DOK6: variants seen among roughly 807,000 people sequenced by gnomAD.
DOK6 encodes the protein downstream of tyrosine kinase 6.
DOK6 carries 22 observed loss-of-function variants against 44.0 expected under a neutral mutation model. That is an observed-to-expected ratio of 0.50 (90% CI 0.36 to 0.71). DOK6 has a LOEUF of 0.71. Ranked by LOEUF, DOK6 falls within the 30% of genes least tolerant of loss-of-function variation. The probability of loss-of-function intolerance (pLI) is 0.00; values close to 1 mark genes in which losing one functional copy is unlikely to be tolerated. For synonymous variants in DOK6, 166 were observed against 145.5 expected, an observed-to-expected ratio of 1.14 and a Z score of -1.01; for missense variants, 340 against 416.4, an observed-to-expected ratio of 0.82 and a Z score of 1.60.
Position 69,777,287 on chromosome 18 carries a change from T to A in DOK6, c.856+19414T>A, listed in dbSNP as rs145058275. On this transcript the variant is annotated intron_variant, in intron 7 of 7. Transcript: ENST00000382713. ...TATTAAGAAAAATGTCTTACTGTAT[T>A]AATGGAGATTTCTTTAAATAAATTA... Among the ~76,000 whole-genome samples the A allele has an allele frequency of 1.6e-4, 25 of 152,228 alleles. No individual in the cohort carries two copies. In the East Asian group the frequency reaches 4.2e-3, roughly 26 times the overall value.
intron 1 of DOK6, among the ~76,000 whole-genome samples, chr18:69,523,762 T>G (rs1203006684): frequency 6.6e-6 from 1 of 151,942 alleles, no homozygotes; most frequent in Non-Finnish European, 1.5e-5. Flanking sequence ...GTAGCAGTGA[T>G]CCAAGAAAAT....
chr18:69,786,621 C>T (rs918111203), intron 7 of DOK6, among the ~76,000 whole-genome samples: 3 of 152,152 alleles, frequency 2.0e-5, no homozygotes, highest in South Asian at 2.1e-4. Flanking sequence ...CATTTTCTGG[C>T]TTTGACATAC....
At chr18:69,495,055 G>A (rs1980843637) in intron 1 of DOK6, among the ~76,000 whole-genome samples, 1 of 152,244 alleles carries the variant, frequency 6.6e-6, no homozygotes, top group African/African-American at 2.4e-5. Context: ...CATGCTGGCT[G>A]ACACAGCAGG....
chr18:69,498,327 T>C (rs72961767), intron 1 of DOK6, among the ~76,000 whole-genome samples: 1,740 of 151,994 alleles, frequency 0.011, 14 homozygotes, highest in Non-Finnish European at 0.018. Context: ...AGAACAATTC[T>C]TCTTTGAAAC....
Position 69,842,010 on chromosome 18 carries a change from A to G in DOK6, c.*627A>G, listed in dbSNP as rs1982238915. ...CAAATGGATATTGCTATATCCATCT[A>G]TATATAACAAGTATATATCAAACAT... On this transcript the variant is annotated 3_prime_UTR_variant, in exon 8 of 8. Coordinates refer to ENST00000382713, the MANE Select transcript of DOK6 (RefSeq NM_152721.6). 1 of 152,116 alleles carries G rather than the reference A, an allele frequency of 6.6e-6. No individual in the cohort carries two copies. The highest frequency in any genetic ancestry group is 6.5e-5 in the Admixed American group (1 of 15,268). 9.4% of individuals were successfully genotyped at this position (152,116 alleles called of 1,614,324 possible).
At chr18:69,612,451 G>A (rs1984175086) in intron 3 of DOK6, among the ~76,000 whole-genome samples, 1 of 147,140 alleles carries the variant, frequency 6.8e-6, no homozygotes, top group African/African-American at 2.5e-5. Flanking sequence ...GGGCGCATGT[G>A]TGCGAGCGTG....
chr18:69,416,949 G>T (rs1978357293), intron 1 of DOK6, among the ~76,000 whole-genome samples: 2 of 151,892 alleles, frequency 1.3e-5, no homozygotes, highest in Admixed American at 1.3e-4. Flanking sequence ...TATGTTTATG[G>T]ATACATAATA....
At chr18:69,547,340 C>G (rs1982435496) in intron 1 of DOK6, among the ~76,000 whole-genome samples, 1 of 151,472 alleles carries the variant, frequency 6.6e-6, no homozygotes, top group Non-Finnish European at 1.5e-5. Flanking sequence ...ACCTCGTGAT[C>G]TGTCTGTCTC....
At chr18:69,739,135 T>C in intron 6 of DOK6, 32 bp downstream of exon 6, 1 of 1,611,136 alleles carries the variant, frequency 6.2e-7, no homozygotes, top group Non-Finnish European at 8.5e-7. Flanking sequence ...CCTATCAGCT[T>C]GGAAATGAAT....
At chr18:69,496,344 C>T (rs1357774219) in intron 1 of DOK6, among the ~76,000 whole-genome samples, 5 of 152,232 alleles carry the variant, frequency 3.3e-5, no homozygotes, top group Non-Finnish European at 5.9e-5. Context: ...GAGTTCCCAC[C>T]CCACCAACTC....
At chr18:69,542,778 G>A (rs1982303342) in intron 1 of DOK6, among the ~76,000 whole-genome samples, 1 of 151,296 alleles carries the variant, frequency 6.6e-6, no homozygotes, top group Non-Finnish European at 1.5e-5. Flanking sequence ...ATGGGCTTTC[G>A]AGCCTCTGAA....
intron 4 of DOK6, among the ~76,000 whole-genome samples, chr18:69,695,341 C>T (rs1049901407): frequency 6.6e-6 from 1 of 152,106 alleles, no homozygotes; most frequent in African/African-American, 2.4e-5. Flanking sequence ...ACACTGAAGT[C>T]TGAAAAACCA....
chr18:69,487,062 A>C (rs1458838946), intron 1 of DOK6, among the ~76,000 whole-genome samples: 1 of 152,060 alleles, frequency 6.6e-6, no homozygotes, highest in Non-Finnish European at 1.5e-5. Context: ...CTGTTGGGAT[A>C]GAAAGAGGGG....
chr18:69,613,590 G>A (rs1984214768), intron 3 of DOK6, among the ~76,000 whole-genome samples: 1 of 151,466 alleles, frequency 6.6e-6, no homozygotes, highest in Admixed American at 6.6e-5. Flanking sequence ...GTTCTATTGA[G>A]GATCCAAAAA....
chr18:69,800,864 T>C (rs1275692248), intron 7 of DOK6, among the ~76,000 whole-genome samples: 1 of 152,200 alleles, frequency 6.6e-6, no homozygotes, highest in Non-Finnish European at 1.5e-5. Flanking sequence ...ACTTTTGAAA[T>C]ATTTCTTTAA....
At chr18:69,641,970 T>C (rs553079697) in intron 3 of DOK6, among the ~76,000 whole-genome samples, 2 of 152,334 alleles carry the variant, frequency 1.3e-5, no homozygotes, top group East Asian at 3.9e-4. Flanking sequence ...ATTAGGGGCA[T>C]TTATAACCAC....
chr18:69,540,464 A>AT (rs1982238849), intron 1 of DOK6, among the ~76,000 whole-genome samples: 2 of 152,122 alleles, frequency 1.3e-5, no homozygotes, highest in African/African-American at 4.8e-5. Flanking sequence ...TTTACTATTC[A>AT]TTGCAATCAA....
chr18:69,647,840 T>G (rs888811392), intron 3 of DOK6, among the ~76,000 whole-genome samples: 4 of 152,100 alleles, frequency 2.6e-5, no homozygotes, highest in Non-Finnish European at 4.4e-5. Flanking sequence ...AGTGGTGATG[T>G]AGCAAATTGG....
chr18:69,502,158 T>C lies in DOK6; in HGVS notation c.67-62329T>C, dbSNP rs537194366. Among the ~76,000 whole-genome samples the C allele has an allele frequency of 1.3e-3, 196 of 152,294 alleles. 2 individuals carry two copies. The highest frequency in any genetic ancestry group is 4.4e-3 in the African/African-American group (184 of 41,582). On this transcript the variant is annotated intron_variant, in intron 1 of 7. Coordinates refer to ENST00000382713, the MANE Select transcript of DOK6 (RefSeq NM_152721.6). ...ATTGGTAAGACACTAAGTGAAAGGA[T>C]ACATAATTGGCTAACTTCTTGAAAA...
Sources: gnomAD v4.1 joint callset for allele counts (sites outside exome capture counted in the v4.1 genomes callset) on GRCh38, gnomAD v4.1.1 for gene constraint, MANE v1.5 for transcripts, NCBI Gene and HGNC (gene_info 2026-07-23, HGNC 2026-07-21) for gene names.